UNC13B: variants seen among roughly 807,000 people sequenced by gnomAD.
UNC13B encodes the protein protein unc-13 homolog B.
In UNC13B, 144 loss-of-function variants were observed where a neutral mutation model predicts 211.0. The ratio of observed to expected loss-of-function variants is 0.68; its 90% confidence interval spans 0.60 to 0.78. The LOEUF (loss-of-function observed/expected upper bound fraction) is 0.78. UNC13B is among the 30% of genes least tolerant of loss of function. The pLI, the probability that UNC13B is intolerant of heterozygous loss-of-function variation, is 0.00. For synonymous variants in UNC13B, 709 were observed against 725.8 expected, an observed-to-expected ratio of 0.98 and a Z score of 0.37; for missense variants, 1,777 against 2,002.0, an observed-to-expected ratio of 0.89 and a Z score of 2.14.
rs765255368 is a variant in UNC13B, at chr9:35,399,145, T to C, written c.12075-16T>C. ...CAAACTCTCACCCTGGTCTCACCTG[T>C]TGCCTGGACTTGCAGCCTCACCCTC... is the stretch of plus-strand genomic sequence containing the variant. On this transcript the variant is annotated splice_polypyrimidine_tract_variant and intron_variant, in intron 33 of 39. Coordinates refer to ENST00000635942, the MANE Select transcript of UNC13B (RefSeq NM_001371189.2). 1.4e-5 allele frequency: 22 copies of C among 1,614,070 alleles called. No individual in the cohort carries two copies. The Admixed American group carries it at 3.3e-4, about 24-fold the overall frequency.
At chr9:35,385,577 C>T (rs1835134080) in intron 22 of UNC13B, 147 bp from the exon 23 acceptor site, 5 of 1,395,640 alleles carry the variant, frequency 3.6e-6, no homozygotes, top group Non-Finnish European at 3.7e-6. Flanking sequence ...GAGAAGGAGA[C>T]CTGTAACTTT....
At chr9:35,276,799 C>T (rs948067103) in intron 7 of UNC13B, among the ~76,000 whole-genome samples, 9 of 152,018 alleles carry the variant, frequency 5.9e-5, no homozygotes, top group Non-Finnish European at 1.2e-4. Flanking sequence ...AAAAATGAGT[C>T]AAAAATTTAA....
chr9:35,261,002 A>G (rs528853990), intron 7 of UNC13B, among the ~76,000 whole-genome samples: 3 of 152,268 alleles, frequency 2.0e-5, no homozygotes, highest in East Asian at 3.9e-4. Context: ...TACATTTTTC[A>G]TATGTTTACA....
intron 12 of UNC13B, among the ~76,000 whole-genome samples, chr9:35,369,388 C>G (rs1833977388): frequency 2.0e-5 from 3 of 152,154 alleles, no homozygotes; most frequent in Admixed American, 1.3e-4. Context: ...GAAGCGTCAC[C>G]AAGGCCCAAA....
chr9:35,173,980 C>A (rs1821472594), intron 1 of UNC13B, among the ~76,000 whole-genome samples: 1 of 152,120 alleles, frequency 6.6e-6, no homozygotes, highest in South Asian at 2.1e-4. Context: ...ATACCTATAG[C>A]AAAGTATTGC....
chr9:35,196,927 T>C (rs965845779), intron 1 of UNC13B, among the ~76,000 whole-genome samples: 7 of 150,692 alleles, frequency 4.6e-5, no homozygotes, highest in East Asian at 2.0e-4. Flanking sequence ...TGTGCCACCA[T>C]GCCCAGCTAA....
intron 1 of UNC13B, among the ~76,000 whole-genome samples, chr9:35,222,788 C>T (rs1824633910): frequency 6.6e-6 from 1 of 152,234 alleles, no homozygotes; most frequent in South Asian, 2.1e-4. Flanking sequence ...TCTGTGATCA[C>T]ACACTACAAC....
intron 3 of UNC13B, among the ~76,000 whole-genome samples, chr9:35,234,355 A>G (rs968080539): frequency 6.6e-6 from 1 of 152,202 alleles, no homozygotes; most frequent in Non-Finnish European, 1.5e-5. Context: ...CCTGGGCTCC[A>G]GTGATCTTCC....
chr9:35,209,632 C>T (rs1363506273), intron 1 of UNC13B, among the ~76,000 whole-genome samples: 3 of 152,046 alleles, frequency 2.0e-5, no homozygotes, highest in Admixed American at 2.0e-4. Flanking sequence ...CCCACCTCGG[C>T]CTCCCAAAGT....
chr9:35,219,208 A>G (rs1049425729), intron 1 of UNC13B, among the ~76,000 whole-genome samples: 1 of 152,134 alleles, frequency 6.6e-6, no homozygotes, highest in South Asian at 2.1e-4. Context: ...TACACTCAAC[A>G]TTGGGGAGAA....
rs148396090 is a variant in UNC13B at position 35,265,563 on chromosome 9, C to T, written c.526+6513C>T. ...ATCTATACAATTATAAGAAAAATTA[C>T]TAGGAAAAGAATGATCAAAATATTA... On this transcript the variant is annotated intron_variant, in intron 7 of 39. Transcript: ENST00000635942. 7.6e-4 allele frequency among the ~76,000 whole-genome samples: 116 copies of T among 152,240 alleles called. 1 individual carries two copies. The South Asian group carries it at 0.019, about 24-fold the overall frequency.
In UNC13B at chr9:35,396,841, G is replaced by T. The variant is rs1202678871; in HGVS notation, c.11436G>T (p.Ala3812=). ...CCCTGTTCTCCTGCTGTGGCTGCAG[G>T]TGGTTTGAGCAGTTCGTGCTACAAT... The part of the protein sequence containing the change: ...VLQGQVPEYP[A]WFEQFVLQWL... The change falls in exon 28 of 40, where the codon GCG becomes GCT. Residue 3812 remains alanine, a splice_region_variant and synonymous_variant. Transcript: ENST00000635942. 6.2e-7 allele frequency: 1 copy of T among 1,614,196 alleles called. No homozygotes were observed.
In UNC13B at chr9:35,404,052, C is replaced by G. The variant is rs753628199; in HGVS notation, c.*19C>G. The G allele has an allele frequency of 6.2e-7, 1 of 1,603,328 alleles. No homozygotes were observed. On this transcript the variant is annotated 3_prime_UTR_variant, in exon 40 of 40. Coordinates refer to ENST00000635942, the MANE Select transcript of UNC13B (RefSeq NM_001371189.2). ...GAGCTGAACACCTTCGACTCCTGTG[C>G]CAATCAGGCAGCAGCAATTTCACAA...
intron 7 of UNC13B, among the ~76,000 whole-genome samples, chr9:35,268,060 A>G (rs1187461964): frequency 6.6e-6 from 1 of 152,132 alleles, no homozygotes; most frequent in Non-Finnish European, 1.5e-5. Flanking sequence ...CACAGTTCAC[A>G]TCAGCAAGTC....
At chr9:35,385,239 A>G in intron 22 of UNC13B, 5 of 985,480 alleles carry the variant, frequency 5.1e-6, no homozygotes, top group African/African-American at 1.7e-5. Context: ...GAGATCTGCC[A>G]TCTGCTGGCT....
At chr9:35,261,546 A>G (rs1443723459) in intron 7 of UNC13B, among the ~76,000 whole-genome samples, 6 of 152,094 alleles carry the variant, frequency 3.9e-5, no homozygotes, top group Admixed American at 3.3e-4. Context: ...ACGGGCATAC[A>G]ATATGTAATA....
chr9:35,297,119 C>T (rs1303342903), intron 8 of UNC13B, among the ~76,000 whole-genome samples: 1 of 140,986 alleles, frequency 7.1e-6, no homozygotes, highest in Admixed American at 7.3e-5. Flanking sequence ...GACAGAGTCT[C>T]ACTCTGTCTC....
chr9:35,325,994 G>A (rs1254165187), intron 11 of UNC13B, among the ~76,000 whole-genome samples: 2 of 152,216 alleles, frequency 1.3e-5, no homozygotes, highest in Non-Finnish European at 2.9e-5. Context: ...ATGCACTTAG[G>A]AATGGAACCG....
intron 11 of UNC13B, chr9:35,342,288 A>C (rs933809476): frequency 4.1e-6 from 4 of 985,418 alleles, no homozygotes; most frequent in Admixed American, 1.2e-4. Context: ...TTGAGAATTC[A>C]TGGTTTTAAT....
Sources: gnomAD v4.1 joint callset for allele counts (sites outside exome capture counted in the v4.1 genomes callset) on GRCh38, gnomAD v4.1.1 for gene constraint, MANE v1.5 for transcripts, NCBI Gene and HGNC (gene_info 2026-07-23, HGNC 2026-07-21) for gene names.